Variants in TREH observed in about 807,000 individuals in gnomAD.
TREH encodes the protein trehalase, also known as alpha,alpha-trehalose glucohydrolase.
TREH carries 69 observed loss-of-function variants against 80.5 expected under a neutral mutation model. The ratio of observed to expected loss-of-function variants is 0.86; its 90% CI spans 0.71 to 1.05. The LOEUF is 1.05. Ranked by LOEUF, TREH falls within the 50% of genes least tolerant of loss-of-function variation. The probability of loss-of-function intolerance (pLI) is 0.00; values close to 1 mark genes in which losing one functional copy is unlikely to be tolerated. For synonymous variants in TREH, 309 were observed against 293.5 expected (o/e 1.05, Z -0.54); for missense variants, 716 against 718.8 (o/e 1.00, Z 0.04).
intron 1 of TREH, among the ~76,000 whole-genome samples, chr11:118,673,317 G>A (rs1308489043): frequency 6.6e-6 from 1 of 152,210 alleles, no homozygotes; most frequent in Non-Finnish European, 1.5e-5. Context: ...GCCCAGTCCA[G>A]AATCAGTGTC....
chr11:118,670,692 C>T (rs1555146188), intron 1 of TREH, among the ~76,000 whole-genome samples: 1 of 152,192 alleles, frequency 6.6e-6, no homozygotes, highest in Middle Eastern at 3.2e-3. Context: ...TCCAGTTCAT[C>T]ACCAGATCAT....
Position 118,659,431 on chromosome 11 carries a change from C to T in TREH, c.1371G>A (p.Lys457=). The T allele has an allele frequency of 6.2e-7, 1 of 1,607,872 alleles. No homozygotes were observed. Among genetic ancestry groups the T allele is most frequent in the South Asian group, 1.1e-5 (1 of 89,940 alleles). Residue 457 remains lysine, a synonymous_variant, in exon 12 of 15, where the codon AAG becomes AAA. Coordinates refer to ENST00000264029, the MANE Select transcript of TREH (RefSeq NM_007180.3). ...TGGGGAAATCCCACTGCTGGCCTGT[C>T]TTCTGGAGAGAGGTCGGGATCCCAT... ...YQYGIPTSLQ[K]TGQQWDFPNA...
intron 1 of TREH, among the ~76,000 whole-genome samples, chr11:118,667,026 G>A (rs1281784644): frequency 6.6e-6 from 1 of 152,034 alleles, no homozygotes; most frequent in Non-Finnish European, 1.5e-5. Flanking sequence ...GGGATTACGG[G>A]CATGTGCCAC....
intron 1 of TREH, among the ~76,000 whole-genome samples, chr11:118,677,912 G>A (rs1424656078): frequency 6.6e-6 from 1 of 152,060 alleles, no homozygotes; most frequent in East Asian, 1.9e-4. Context: ...AATTGCTCAG[G>A]ACAAAACCTA....
At chr11:118,672,666 G>A (rs180715197) in intron 1 of TREH, among the ~76,000 whole-genome samples, 3 of 125,196 alleles carry the variant, frequency 2.4e-5, no homozygotes, top group Middle Eastern at 6.0e-3. Context: ...AGCTGAGATC[G>A]CACGCCACTG....
At position 118,666,192 on chromosome 11, in the gene TREH, C is replaced by T. The variant is rs115082524; in HGVS notation, c.90-2753G>A. On this transcript the variant is annotated intron_variant, in intron 1 of 14. Coordinates refer to ENST00000264029, the MANE Select transcript of TREH (RefSeq NM_007180.3). The stretch of plus-strand genomic sequence containing the variant: ...AGGTTGCAGTGGGCCGGTATTGCAC[C>T]GCTGCACTGCAGCCTGGGCAATGGA... 1.9e-3 allele frequency among the ~76,000 whole-genome samples: 292 copies of T among 151,946 alleles called. 2 individuals carry two copies. The highest frequency in any genetic ancestry group is 6.7e-3 in the African/African-American group (279 of 41,416).
intron 12 of TREH, 108 bp downstream of exon 12, chr11:118,659,262 A>G: frequency 5.1e-6 from 5 of 985,000 alleles, no homozygotes; most frequent in Non-Finnish European, 7.3e-6. Context: ...GAGCGAGAGA[A>G]AGGATACGGG....
Position 118,657,802 on chromosome 11 carries a change from G to GTC in TREH, c.*486_*487insGA. On this transcript the variant is annotated 3_prime_UTR_variant, in exon 15 of 15. Transcript: ENST00000264029. ...AGGAGATGATGCAGCAGAGGGGAAG[G>GTC]GCCCTGTGGTGCCGCCGCCCTTCCT... is the stretch of plus-strand genomic sequence containing the variant. 2.5e-5 allele frequency: 4 copies of GTC among 160,936 alleles called. No homozygotes were observed. The highest frequency in any genetic ancestry group is 1.8e-4 in the South Asian group (1 of 5,524). The allele number at this position is 160,936 out of a possible 1,614,324, so 10.0% of individuals were successfully genotyped here.
chr11:118,662,560 G>A (rs944949503), intron 4 of TREH, among the ~76,000 whole-genome samples: 3 of 152,252 alleles, frequency 2.0e-5, no homozygotes, highest in African/African-American at 7.2e-5. Context: ...GCTCAGGGAA[G>A]GAGAGAGCCC....
intron 1 of TREH, among the ~76,000 whole-genome samples, chr11:118,669,813 C>A (rs563760822): frequency 1.3e-5 from 2 of 151,770 alleles, no homozygotes; most frequent in South Asian, 4.2e-4. Flanking sequence ...TGACTGTAGT[C>A]AAAAATAATT....
intron 1 of TREH, among the ~76,000 whole-genome samples, chr11:118,678,994 C>G (rs1949506969): frequency 6.6e-6 from 1 of 152,140 alleles, no homozygotes; most frequent in Non-Finnish European, 1.5e-5. Flanking sequence ...CAAGGGGCAG[C>G]TTGGAGGAGG....
At position 118,659,833 on chromosome 11, in the gene TREH, C is replaced by G. The variant is rs1555144481; in HGVS notation, c.1234G>C (p.Glu412Gln). Residue 412 changes from glutamate to glutamine, a missense_variant, in exon 11 of 15, where the codon GAG becomes CAG. Glu to Gln is a conservative substitution (Grantham distance 29). Transcript: ENST00000264029. ...YDLEKKKKNR[E>Q]FYPSNLTPLW... Reference sequence around the variant, plus strand: ...GGAGTGAGGTTGGATGGGTAAAACTCCCGGTTTTTCTTCTTCTTCTCAAGG... The same window carrying G: ...GGAGTGAGGTTGGATGGGTAAAACTGCCGGTTTTTCTTCTTCTTCTCAAGG... The G allele has an allele frequency of 6.4e-7, 1 of 1,566,214 alleles. No individual in the cohort carries two copies. Among genetic ancestry groups the G allele is most frequent in the South Asian group, 1.2e-5 (1 of 84,956 alleles).
intron 1 of TREH, among the ~76,000 whole-genome samples, chr11:118,669,198 A>G (rs968117893): frequency 1.3e-5 from 2 of 152,228 alleles, no homozygotes; most frequent in African/African-American, 4.8e-5. Flanking sequence ...GTCATAACAA[A>G]TGCTGGTGAG....
chr11:118,660,103 C>G (rs1317339036), intron 10 of TREH, 139 bp from the exon 11 acceptor site: 1 of 807,804 alleles, frequency 1.2e-6, no homozygotes, highest in African/African-American at 1.7e-5. Context: ...GGGGATGTGC[C>G]GATCTGGAGC....
intron 4 of TREH, among the ~76,000 whole-genome samples, chr11:118,662,275 C>A (rs1949332496): frequency 7.0e-6 from 1 of 142,730 alleles, no homozygotes; most frequent in Non-Finnish European, 1.5e-5. Context: ...CAAGCAGTGG[C>A]CATTACGAAG....
chr11:118,658,489 C>T (rs1949249573), intron 14 of TREH, 48 bp from the exon 15 acceptor site: 3 of 1,593,870 alleles, frequency 1.9e-6, no homozygotes, highest in African/African-American at 1.3e-5. Flanking sequence ...AGCCTCATAC[C>T]CTTGGTGGGG....
chr11:118,658,424 C>T lies in TREH; in HGVS notation c.1617G>A (p.Thr539=), dbSNP rs45587035. The T allele has an allele frequency of 1.4e-5, 22 of 1,611,024 alleles. No individual in the cohort carries two copies. The highest frequency in any genetic ancestry group is 5.0e-5 in the Admixed American group (3 of 59,880). Residue 539 remains threonine, a synonymous_variant, in exon 15 of 15, where the codon ACG becomes ACA. Transcript: ENST00000264029. ...CCAGCAGCATCAGGACCACGCCATTCGTCCAGCCAAATCCCTCCTGGGAGA... is the reference window on the plus strand; with the variant it reads ...CCAGCAGCATCAGGACCACGCCATTTGTCCAGCCAAATCCCTCCTGGGAGA... The part of the protein sequence containing the change: ...EYEVQEGFGW[T]NGVVLMLLDR...
In TREH at chr11:118,674,158, G is replaced by T. The variant is rs1278280896; in HGVS notation, c.89+5381C>A. On this transcript the variant is annotated intron_variant, in intron 1 of 14. Transcript: ENST00000264029. This position sits in a 1 kb window ranked among gnomAD's most constrained non-coding sequence, Gnocchi z 4.4. ...ATATTATAGGTATTTCAGGTTTCAA[G>T]ATTATCTTACATCCTTCAGTCATAG... 3.3e-5 allele frequency among the ~76,000 whole-genome samples: 5 copies of T among 152,192 alleles called. No individual in the cohort carries two copies. Among genetic ancestry groups the T allele is most frequent in the African/African-American group, 1.2e-4 (5 of 41,440 alleles).
intron 4 of TREH, 65 bp from the exon 5 acceptor site, chr11:118,662,055 T>G: frequency 7.3e-7 from 1 of 1,363,284 alleles, no homozygotes; most frequent in Non-Finnish European, 1.0e-6. Context: ...TACAGGCAGC[T>G]GGGGGATCTG....
Sources: allele counts gnomAD v4.1 joint callset (sites outside exome capture counted in the v4.1 genomes callset), GRCh38; gene constraint gnomAD v4.1.1; non-coding constraint Gnocchi (gnomAD v3.1); transcripts MANE v1.5; gene names NCBI Gene and HGNC (gene_info 2026-07-23, HGNC 2026-07-21).